The following TMEM132D variants were observed in gnomAD, a reference collection of about 807,000 sequenced individuals.
TMEM132D encodes mature OL transmembrane protein.
In TMEM132D, 21 loss-of-function variants were observed where a neutral mutation model predicts 62.3. That is an observed-to-expected ratio of 0.34 (90% confidence interval 0.24 to 0.49). The LOEUF (loss-of-function observed/expected upper bound fraction) is 0.49, where lower values mean the gene tolerates loss of function less well. Ranked by LOEUF, TMEM132D falls within the 20% of genes least tolerant of loss-of-function variation. TMEM132D has a pLI of 0.99. For synonymous variants in TMEM132D, 621 were observed against 575.6 expected, an observed-to-expected ratio of 1.08 and a Z score of -1.13; for missense variants, 1,346 against 1,402.8, an observed-to-expected ratio of 0.96 and a Z score of 0.65.
intron 5 of TMEM132D, among the ~76,000 whole-genome samples, chr12:129,174,616 A>T (rs1877848415): frequency 1.3e-5 from 2 of 152,154 alleles, no homozygotes; most frequent in South Asian, 4.1e-4. Flanking sequence ...GCTGGGTCAA[A>T]TGGCATCTCT....
intron 2 of TMEM132D, among the ~76,000 whole-genome samples, chr12:129,667,675 T>C (rs1035903662): frequency 6.6e-6 from 1 of 152,102 alleles, no homozygotes; most frequent in East Asian, 1.9e-4. Context: ...TTTTCTAACC[T>C]AAACTCCTAA....
chr12:129,224,969 A>G (rs916911925), intron 4 of TMEM132D, among the ~76,000 whole-genome samples: 3 of 152,106 alleles, frequency 2.0e-5, no homozygotes, highest in Admixed American at 6.6e-5. Context: ...TTTATATTTT[A>G]TTAGAGACAT....
At chr12:129,306,530 T>C (rs1295880542) in intron 4 of TMEM132D, among the ~76,000 whole-genome samples, 1 of 152,150 alleles carries the variant, frequency 6.6e-6, no homozygotes, top group Non-Finnish European at 1.5e-5. Flanking sequence ...ACAATACAGA[T>C]GTTGATTGTT....
chr12:129,845,463 C>T (rs544487777), intron 1 of TMEM132D, among the ~76,000 whole-genome samples: 71 of 152,100 alleles, frequency 4.7e-4, no homozygotes, highest in Non-Finnish European at 9.3e-4. Context: ...ACGTCTGAGA[C>T]GGAAAGGGCC....
chr12:129,607,402 C>T (rs186941327), intron 2 of TMEM132D, among the ~76,000 whole-genome samples: 40 of 152,250 alleles, frequency 2.6e-4, no homozygotes, highest in African/African-American at 5.5e-4. Flanking sequence ...AGAATTCCTA[C>T]GAAGGGTTGC....
intron 4 of TMEM132D, among the ~76,000 whole-genome samples, chr12:129,323,317 C>T (rs1385476604): frequency 6.6e-6 from 1 of 152,094 alleles, no homozygotes; most frequent in African/African-American, 2.4e-5. Flanking sequence ...TTCTCTGATG[C>T]ACACCATCGT....
At chr12:129,275,105 C>A (rs543755197) in intron 4 of TMEM132D, among the ~76,000 whole-genome samples, 1 of 152,032 alleles carries the variant, frequency 6.6e-6, no homozygotes, top group South Asian at 2.1e-4. Context: ...CAGTGTGAGA[C>A]CCCACCTTTT....
intron 3 of TMEM132D, among the ~76,000 whole-genome samples, chr12:129,370,463 A>G (rs1272244299): frequency 6.6e-6 from 1 of 152,190 alleles, no homozygotes; most frequent in Non-Finnish European, 1.5e-5. Flanking sequence ...TGGGATTCAG[A>G]GCCCCTTGCA....
chr12:129,580,659 G>A (rs80290510), intron 2 of TMEM132D, among the ~76,000 whole-genome samples: 3,443 of 152,048 alleles, frequency 0.023, 76 homozygotes, highest in Non-Finnish European at 0.037. Context: ...AGCCGAGATC[G>A]CGCCACTGCA....
intron 3 of TMEM132D, chr12:129,522,622 T>G (rs1875883546): frequency 6.6e-6 from 1 of 152,148 alleles, no homozygotes; most frequent in Non-Finnish European, 1.5e-5. Context: ...AGGAAATGGC[T>G]GTCGCAAAGA....
chr12:129,075,101 G>C (rs1038922846), intron 8 of TMEM132D, 42 bp from the exon 9 acceptor site: 44 of 1,535,282 alleles, frequency 2.9e-5, no homozygotes, highest in Non-Finnish European at 3.3e-5. Context: ...GGGCCAAAAA[G>C]CTCATTGAGC....
At chr12:129,890,695 G>A (rs1055356390) in intron 1 of TMEM132D, among the ~76,000 whole-genome samples, 4 of 152,210 alleles carry the variant, frequency 2.6e-5, no homozygotes, top group Non-Finnish European at 4.4e-5. Context: ...GCTTGCCAGA[G>A]ATATTTATCA....
At chr12:129,608,238 A>G (rs1274709976) in intron 2 of TMEM132D, among the ~76,000 whole-genome samples, 1 of 152,204 alleles carries the variant, frequency 6.6e-6, no homozygotes, top group Non-Finnish European at 1.5e-5. Context: ...TTAACGGACC[A>G]GAAGAGTTTG....
intron 2 of TMEM132D, among the ~76,000 whole-genome samples, chr12:129,601,343 C>T (rs1480655916): frequency 1.3e-5 from 2 of 152,178 alleles, no homozygotes; most frequent in Non-Finnish European, 2.9e-5. Context: ...GATCTTCTAT[C>T]CAGGTCATTC....
At chr12:129,850,657 A>T (rs568187958) in intron 1 of TMEM132D, among the ~76,000 whole-genome samples, 1 of 152,208 alleles carries the variant, frequency 6.6e-6, no homozygotes, top group South Asian at 2.1e-4. Context: ...CGTTTTCTAC[A>T]ATACTTCCCA....
chr12:129,326,997 T>G (rs1946216274), intron 4 of TMEM132D, among the ~76,000 whole-genome samples: 1 of 152,182 alleles, frequency 6.6e-6, no homozygotes, highest in African/African-American at 2.4e-5. Context: ...AGACAGCTGT[T>G]AAGTGCAGAC....
intron 3 of TMEM132D, among the ~76,000 whole-genome samples, chr12:129,355,404 T>C (rs1400731110): frequency 2.7e-5 from 4 of 149,350 alleles, no homozygotes; most frequent in Non-Finnish European, 4.4e-5. Flanking sequence ...CCAGCGCCTG[T>C]GTGAGTGCTT....
At chr12:129,126,741 G>C (rs746101325) in intron 5 of TMEM132D, among the ~76,000 whole-genome samples, 1 of 152,184 alleles carries the variant, frequency 6.6e-6, no homozygotes, top group Non-Finnish European at 1.5e-5. Context: ...AGATAAAATG[G>C]GGTAGTAATG....
In TMEM132D at chr12:129,780,744, G is replaced by A. The variant is rs555285199; in HGVS notation, c.80-80046C>T. On this transcript the variant is annotated intron_variant, in intron 1 of 8. Transcript: ENST00000422113. ...GCTGCATAGATAAATACCTGAAAAG[G>A]ACCTCAGGGCCATTCATCCGGTACC... is the stretch of plus-strand genomic sequence containing the variant. Among the ~76,000 whole-genome samples, 6 of 152,198 alleles carry A rather than the reference G, an allele frequency of 3.9e-5. No individual in the cohort carries two copies. In the South Asian group the frequency reaches 1.2e-3, roughly 32 times the overall value.
Sources: gnomAD v4.1 joint callset for allele counts (sites outside exome capture counted in the v4.1 genomes callset) on GRCh38, gnomAD v4.1.1 for gene constraint, MANE v1.5 for transcripts, NCBI Gene and HGNC (gene_info 2026-07-23, HGNC 2026-07-21) for gene names.